Variants in NFU1 observed in about 807,000 individuals in gnomAD.
The protein encoded by NFU1 is NFU1 iron-sulfur cluster scaffold homolog, mitochondrial.
Under a neutral mutation model 32.2 loss-of-function variants are expected in NFU1, and 30 were observed. The ratio of observed to expected loss-of-function variants is 0.93; its 90% CI spans 0.70 to 1.26. The LOEUF is 1.26. Among genes scored for constraint, NFU1 ranks in the 50% most tolerant of loss-of-function variants. NFU1 has a pLI of 0.00. For synonymous variants in NFU1, 112 were observed against 104.6 expected, an observed-to-expected ratio of 1.07 and a Z score of -0.43; for missense variants, 306 against 306.6, an observed-to-expected ratio of 1.00 and a Z score of 0.02.
intron 7 of NFU1, among the ~76,000 whole-genome samples, chr2:69,400,026 C>T (rs1672468130): frequency 6.6e-6 from 1 of 152,190 alleles, no homozygotes; most frequent in Admixed American, 6.5e-5. Flanking sequence ...GCGTCTGCCA[C>T]CATGCCCAGC....
intron 5 of NFU1, chr2:69,411,143 A>G (rs1261173617): frequency 2.0e-5 from 3 of 152,138 alleles, no homozygotes; most frequent in Non-Finnish European, 4.4e-5. Context: ...TTGATTACCT[A>G]TGTAGAAAAA....
At chr2:69,404,820 A>T (rs998759537) in intron 6 of NFU1, among the ~76,000 whole-genome samples, 4 of 150,950 alleles carry the variant, frequency 2.6e-5, no homozygotes, top group Non-Finnish European at 4.4e-5. Context: ...GGGTTTCAAC[A>T]TGTTGGCCAG....
intron 5 of NFU1, among the ~76,000 whole-genome samples, chr2:69,407,957 G>A (rs1242063682): frequency 1.3e-5 from 2 of 150,070 alleles, no homozygotes; most frequent in Non-Finnish European, 1.5e-5. Flanking sequence ...AGGTGGCAGT[G>A]AGCCGAGATC....
chr2:69,405,794 C>A (rs1288502331), intron 6 of NFU1, among the ~76,000 whole-genome samples: 1 of 151,830 alleles, frequency 6.6e-6, no homozygotes, highest in Non-Finnish European at 1.5e-5. Context: ...GTGAAGAATA[C>A]ATTTCTTCAT....
chr2:69,408,644 C>T lies in NFU1; in HGVS notation c.485-2562G>A, dbSNP rs113823932. On this transcript the variant is annotated intron_variant, in intron 5 of 7. Transcript: ENST00000410022. ...CTGAGGCAGGAGAATCACTTGAACC[C>T]GGGAGGCGGAGGTTGCAGTGAGCTG... 4.6e-5 allele frequency among the ~76,000 whole-genome samples: 7 copies of T among 151,348 alleles called. 1 individual carries two copies. The highest frequency in any genetic ancestry group is 1.2e-4 in the African/African-American group (5 of 41,322).
intron 1 of NFU1, among the ~76,000 whole-genome samples, chr2:69,436,243 TA>T (rs1048118638): frequency 1.3e-4 from 20 of 152,200 alleles, no homozygotes; most frequent in Non-Finnish European, 2.6e-4. Flanking sequence ...AGAATCCATG[TA>T]AAGTGCTTAA....
intron 5 of NFU1, among the ~76,000 whole-genome samples, chr2:69,408,240 C>T (rs889274223): frequency 7.9e-5 from 12 of 152,070 alleles, no homozygotes; most frequent in Non-Finnish European, 1.5e-4. Context: ...CTATATCTTG[C>T]TCTTTTCTGT....
chr2:69,403,224 T>C (rs1228073651), intron 6 of NFU1, among the ~76,000 whole-genome samples: 2 of 152,158 alleles, frequency 1.3e-5, no homozygotes, highest in Non-Finnish European at 2.9e-5. Context: ...TTTTGTTTTT[T>C]TGTTTTTTCA....
intron 6 of NFU1, among the ~76,000 whole-genome samples, chr2:69,402,211 T>A (rs2104739663): frequency 6.6e-6 from 1 of 152,310 alleles, no homozygotes; most frequent in East Asian, 1.9e-4. Context: ...TGATCATCTT[T>A]TGCGAAGTAC....
chr2:69,439,465 A>C (rs1385737481), upstream of NFU1, among the ~76,000 whole-genome samples: 1 of 152,206 alleles, frequency 6.6e-6, no homozygotes, highest in Non-Finnish European at 1.5e-5. Flanking sequence ...GTTACAGTTC[A>C]TAAAGACAGC....
In NFU1 at chr2:69,406,031, G is replaced by T; in HGVS notation, c.536C>A (p.Thr179Asn). 6.3e-7 allele frequency: 1 copy of T among 1,596,022 alleles called. No homozygotes were observed. The highest frequency in any genetic ancestry group is 8.6e-7 in the Non-Finnish European group (1 of 1,164,702). The stretch of plus-strand genomic sequence containing the variant: ...AGAGAGGAGCACGTACCGTATTCTA[G>T]TATCTAACAATTCCTTAATCATTGC... ...VVAMIKELLD[T>N]RIRPTVQEDG... Residue 179 changes from threonine (T) to asparagine (N), a missense_variant, in exon 6 of 8, where the codon ACT becomes AAT. Physicochemically the swap from Thr to Asn is moderately conservative, Grantham distance 65. Transcript: ENST00000410022.
intron 1 of NFU1, among the ~76,000 whole-genome samples, chr2:69,433,720 C>T (rs954240830): frequency 2.6e-5 from 4 of 152,150 alleles, no homozygotes; most frequent in Admixed American, 2.0e-4. Context: ...AAGTGATCCA[C>T]CTGCCTTGGC....
chr2:69,436,694 T>G (rs916310164), intron 1 of NFU1, among the ~76,000 whole-genome samples: 1 of 152,184 alleles, frequency 6.6e-6, no homozygotes, highest in Non-Finnish European at 1.5e-5. Context: ...CGTAGGCCAT[T>G]TTCTCCAGAC....
intron 6 of NFU1, among the ~76,000 whole-genome samples, chr2:69,403,109 C>A (rs1026647280): frequency 5.2e-4 from 79 of 151,916 alleles, no homozygotes; most frequent in African/African-American, 1.9e-3. Context: ...GTCTCAAACT[C>A]CTGGGCTCAA....
intron 4 of NFU1, among the ~76,000 whole-genome samples, chr2:69,418,816 T>C (rs772958789): frequency 6.6e-6 from 1 of 152,158 alleles, no homozygotes; most frequent in Non-Finnish European, 1.5e-5. Flanking sequence ...ACTAATCCTT[T>C]CAATTTGCTT....
intron 2 of NFU1, among the ~76,000 whole-genome samples, chr2:69,431,400 G>T (rs745969975): frequency 2.4e-4 from 37 of 152,072 alleles, no homozygotes; most frequent in Non-Finnish European, 4.6e-4. Context: ...TGAACTCCTG[G>T]GCTAAAGGGA....
chr2:69,399,397 C>CA (rs751657011), intron 7 of NFU1: 3,964 of 330,594 alleles, frequency 0.012, no homozygotes, highest in South Asian at 0.02. Context: ...GGTATGTTGG[C>CA]AAAAAAAAAA....
At chr2:69,419,640 CTTGA>C in intron 3 of NFU1, 36 bp from the exon 4 acceptor site, 1 of 1,233,672 alleles carries the variant, frequency 8.1e-7, no homozygotes, top group African/African-American at 1.5e-5. Context: ...TATTAAAATG[CTTGA>C]TTATGGAAAA....
At chr2:69,412,027 C>T (rs1672896938) in intron 5 of NFU1, among the ~76,000 whole-genome samples, 1 of 152,102 alleles carries the variant, frequency 6.6e-6, no homozygotes, top group Admixed American at 6.6e-5. Flanking sequence ...GCCTGGGCAA[C>T]CTAACAAGAT....
Sources: allele counts gnomAD v4.1 joint callset (sites outside exome capture counted in the v4.1 genomes callset), GRCh38; gene constraint gnomAD v4.1.1; transcripts MANE v1.5; gene names NCBI Gene and HGNC (gene_info 2026-07-23, HGNC 2026-07-21).